Variants in CCSAP observed in about 807,000 individuals in gnomAD.
CCSAP encodes centriole, cilia and spindle associated protein.
In CCSAP, 17 loss-of-function variants were observed where a neutral mutation model predicts 25.9. That is an observed-to-expected ratio of 0.66 (90% CI 0.45 to 0.99). The LOEUF (loss-of-function observed/expected upper bound fraction) is 0.99, where lower values mean the gene tolerates loss of function less well. Among genes scored for constraint, CCSAP ranks in the 50% least tolerant of loss-of-function variants. The pLI, the probability that CCSAP is intolerant of heterozygous loss-of-function variation, is 0.00. For missense variants in CCSAP, 339 were observed against 367.8 expected, an observed-to-expected ratio of 0.92 and a Z score of 0.64; for synonymous variants, 169 against 157.1, an observed-to-expected ratio of 1.08 and a Z score of -0.57.
intron 2 of CCSAP, among the ~76,000 whole-genome samples, chr1:229,333,431 G>GGAA (rs1553304883): frequency 2.8e-5 from 2 of 70,478 alleles, no homozygotes; most frequent in South Asian, 5.5e-4. Flanking sequence ...AGACTCCATC[G>GGAA]AAAAAAAAAA....
chr1:229,333,204 G>A (rs199925367), intron 2 of CCSAP, among the ~76,000 whole-genome samples: 3 of 152,014 alleles, frequency 2.0e-5, no homozygotes, highest in Non-Finnish European at 4.4e-5. Flanking sequence ...AGGCCAAGGC[G>A]GGCAGATCAC....
chr1:229,325,541 A>G (rs930557876), intron 3 of CCSAP, 130 bp from the exon 4 acceptor site: 21 of 709,484 alleles, frequency 3.0e-5, no homozygotes, highest in African/African-American at 5.4e-5. Context: ...GCCTCTCTAT[A>G]TAGTTCTTCT....
At chr1:229,325,448 G>T (rs978797507) in intron 3 of CCSAP, 37 bp from the exon 4 acceptor site, 1 of 1,585,272 alleles carries the variant, frequency 6.3e-7, no homozygotes, top group Non-Finnish European at 8.6e-7. Flanking sequence ...GTAACTTAAG[G>T]GGCTATTATA....
intron 2 of CCSAP, chr1:229,340,508 G>A (rs1658306735): frequency 4.2e-6 from 3 of 706,454 alleles, no homozygotes; most frequent in Admixed American, 2.1e-5. Context: ...AAAAGATCGG[G>A]GAGAGAAAAG....
Position 229,322,892 on chromosome 1 carries a change from G to A in CCSAP, c.*2343C>T, listed in dbSNP as rs1657860369. On this transcript the variant is annotated 3_prime_UTR_variant, in exon 4 of 4. Coordinates refer to ENST00000284617, the MANE Select transcript of CCSAP (RefSeq NM_145257.5). Reference sequence around the variant, plus strand: ...AAATATCATTGGGTTCTCTGTTTCAGACTTTTTCAACATGAAAGGTAATTT... The same window carrying A: ...AAATATCATTGGGTTCTCTGTTTCAAACTTTTTCAACATGAAAGGTAATTT... 6.6e-6 allele frequency: 1 copy of A among 152,138 alleles called. No homozygotes were observed. The highest frequency in any genetic ancestry group is 2.4e-5 in the African/African-American group (1 of 41,418). 9.4% of individuals were successfully genotyped at this position (152,138 alleles called of 1,614,324 possible).
intron 2 of CCSAP, among the ~76,000 whole-genome samples, chr1:229,332,731 A>C (rs904226730): frequency 6.6e-6 from 1 of 152,232 alleles, no homozygotes; most frequent in Non-Finnish European, 1.5e-5. Context: ...ATTAATTAAA[A>C]GTAAATAAAA....
chr1:229,330,306 G>A (rs1658037473), intron 2 of CCSAP, among the ~76,000 whole-genome samples: 1 of 152,208 alleles, frequency 6.6e-6, no homozygotes, highest in African/African-American at 2.4e-5. Flanking sequence ...GGTCCCGGCA[G>A]CCAGACCTTC....
intron 2 of CCSAP, among the ~76,000 whole-genome samples, chr1:229,337,965 A>G (rs960969144): frequency 1.3e-5 from 2 of 152,012 alleles, no homozygotes; most frequent in East Asian, 1.9e-4. Context: ...AAAAAGTGGA[A>G]CAATTATCAA....
At position 229,342,597 on chromosome 1, in the gene CCSAP, C is replaced by G. The variant is rs1310898615; in HGVS notation, c.-48-84G>C. 1 of 564,644 alleles carries G rather than the reference C, an allele frequency of 1.8e-6. No homozygotes were observed. The highest frequency in any genetic ancestry group is 4.4e-5 in the Admixed American group (1 of 22,476). 35.0% of individuals were successfully genotyped at this position (564,644 alleles called of 1,614,324 possible). A position where few individuals can be genotyped will look rare whatever the true frequency, so the allele number is the denominator to read the frequency against. On this transcript the variant is annotated intron_variant, in intron 1 of 3. Coordinates refer to ENST00000284617, the MANE Select transcript of CCSAP (RefSeq NM_145257.5). The surrounding 1 kb of genome is among the most constrained non-coding windows in gnomAD (Gnocchi z 7.5). ...CGCGACGTTTAAACCCGGAGCCCCG[C>G]CCGGACGGGAGCAGGGGGCGGGTCC...
chr1:229,323,285 TAA>T lies in CCSAP; in HGVS notation c.*1948_*1949del, dbSNP rs1657869960. 1.3e-5 allele frequency: 2 copies of T among 152,236 alleles called. No homozygotes were observed. The highest frequency in any genetic ancestry group is 4.8e-5 in the African/African-American group (2 of 41,462). The allele number at this position is 152,236 out of a possible 1,614,324, so 9.4% of individuals were successfully genotyped here. ...TTTTAAGTAGTAAGTACATTAAATA[TAA>T]GTTTGTTTTCTAAACAAGAGAAAAG... On this transcript the variant is annotated 3_prime_UTR_variant, in exon 4 of 4. Coordinates refer to ENST00000284617, the MANE Select transcript of CCSAP (RefSeq NM_145257.5).
Position 229,325,076 on chromosome 1 carries a change from T to C in CCSAP, c.*159A>G. ...TACTGCCGAGGTAGGTGACCAATAT[T>C]CATCAAAATAAAACAATCTTTTACA... On this transcript the variant is annotated 3_prime_UTR_variant, in exon 4 of 4. Transcript: ENST00000284617. 1 of 648,874 alleles carries C rather than the reference T, an allele frequency of 1.5e-6. No individual in the cohort carries two copies. The highest frequency in any genetic ancestry group is 2.5e-6 in the Non-Finnish European group (1 of 398,086). 40.2% of individuals were successfully genotyped at this position (648,874 alleles called of 1,614,324 possible).
chr1:229,327,746 G>A (rs1657977386), intron 2 of CCSAP, among the ~76,000 whole-genome samples: 1 of 151,916 alleles, frequency 6.6e-6, no homozygotes, highest in Non-Finnish European at 1.5e-5. Context: ...GTGCATGCCT[G>A]TAGTCCCAGC....
chr1:229,325,278 G>C lies in CCSAP; in HGVS notation c.770C>G (p.Pro257Arg). The change falls in exon 4 of 4, where the codon CCG becomes CGG. Residue 257 changes from proline to arginine, a missense_variant. Transcript: ENST00000284617. ...GCACCTCATGTATTCTGTCATCCAC[G>C]GGTTCTCTGAGGAGGAAGCCTTCAT... ...RKMKASSSEN[P>R]WMTEYMRCYS... 1.9e-6 allele frequency: 3 copies of C among 1,613,932 alleles called. No homozygotes were observed. The South Asian group carries it at 3.3e-5, about 18-fold the overall frequency.
intron 2 of CCSAP, among the ~76,000 whole-genome samples, chr1:229,335,403 G>A (rs2102696967): frequency 6.6e-6 from 1 of 152,294 alleles, no homozygotes; most frequent in East Asian, 1.9e-4. Flanking sequence ...TTTTCCAAAA[G>A]TTCAGCATCA....
intron 2 of CCSAP, chr1:229,327,457 T>C: frequency 2.2e-6 from 1 of 453,642 alleles, no homozygotes; most frequent in Non-Finnish European, 4.4e-6. Context: ...TCCTTAGTCC[T>C]TCCGTGCTCC....
intron 2 of CCSAP, among the ~76,000 whole-genome samples, chr1:229,332,113 G>A (rs955727970): frequency 6.6e-6 from 1 of 152,154 alleles, no homozygotes; most frequent in Non-Finnish European, 1.5e-5. Flanking sequence ...AAAGTGCTGG[G>A]ATTACAGGCG....
chr1:229,330,962 G>A (rs553166722), intron 2 of CCSAP, among the ~76,000 whole-genome samples: 11 of 152,228 alleles, frequency 7.2e-5, no homozygotes, highest in African/African-American at 2.4e-4. Context: ...GGTGTGGGGT[G>A]GGGGAACCAG....
At chr1:229,329,359 A>G (rs149509622) in intron 2 of CCSAP, among the ~76,000 whole-genome samples, 1 of 152,354 alleles carries the variant, frequency 6.6e-6, no homozygotes, top group African/African-American at 2.4e-5. Flanking sequence ...GGCTTCTTCA[A>G]TGGCATGGAG....
chr1:229,340,373 C>T (rs182834355), intron 2 of CCSAP: 2 of 714,700 alleles, frequency 2.8e-6, no homozygotes, highest in Admixed American at 4.0e-5. Context: ...TTTAAGGAAA[C>T]CAAAATAATC....
Sources: allele counts gnomAD v4.1 joint callset (sites outside exome capture counted in the v4.1 genomes callset), GRCh38; gene constraint gnomAD v4.1.1; non-coding constraint Gnocchi (gnomAD v3.1); transcripts MANE v1.5; gene names NCBI Gene and HGNC (gene_info 2026-07-23, HGNC 2026-07-21).